POLRMT: variants seen among roughly 807,000 people sequenced by gnomAD.
The protein encoded by POLRMT is DNA-directed RNA polymerase, mitochondrial.
Under a neutral mutation model 132.2 loss-of-function variants are expected in POLRMT, and 114 were observed. The ratio of observed to expected loss-of-function variants is 0.86; its 90% CI spans 0.74 to 1.01. POLRMT has a LOEUF of 1.01. POLRMT is among the 50% of genes least tolerant of loss of function. The pLI, the probability that POLRMT is intolerant of heterozygous loss-of-function variation, is 0.00. For synonymous variants in POLRMT, 1,020 were observed against 773.4 expected (o/e 1.32, Z -5.29); for missense variants, 2,003 against 1,729.1 (o/e 1.16, Z -2.81).
rs1332543669 is a variant in POLRMT at position 623,456 on chromosome 19, CG to C, written c.1287del (p.His429GlnfsTer6). 2.1e-5 allele frequency: 34 copies of C among 1,611,370 alleles called. No homozygotes were observed. The highest frequency in any genetic ancestry group is 2.8e-5 in the Non-Finnish European group (33 of 1,179,882). ...KPTLPSKEVK[H>X]ARKTLKTLRD... is the part of the protein sequence containing the mutation. ...CGGGACCCCGGCTCAGCCCCTACCG[CG>C]TGCTTGACCTCCTTGCTTGGCAACG... On this transcript the variant is annotated frameshift_variant, in exon 6 of 21. Coordinates refer to ENST00000588649, the MANE Select transcript of POLRMT (RefSeq NM_005035.4). LOFTEE classifies it high-confidence loss of function.
chr19:619,533 GT>G, intron 13 of POLRMT, 52 bp downstream of exon 13: 1 of 1,602,772 alleles, frequency 6.2e-7, no homozygotes, highest in Non-Finnish European at 8.5e-7. Flanking sequence ...ACCCGTCTGA[GT>G]TTTAAATGGC....
chr19:624,466 C>T (rs1984871074), intron 5 of POLRMT, among the ~76,000 whole-genome samples: 2 of 152,178 alleles, frequency 1.3e-5, no homozygotes, highest in Non-Finnish European at 2.9e-5. Flanking sequence ...CACTCAAACG[C>T]ACTGCTCTCC....
chr19:619,531 G>T lies in POLRMT; in HGVS notation c.3066+55C>A. 2.5e-6 allele frequency: 4 copies of T among 1,599,964 alleles called. No homozygotes were observed. In the South Asian group the frequency reaches 4.4e-5, roughly 18 times the overall value. On this transcript the variant is annotated intron_variant, in intron 13 of 20. Coordinates refer to ENST00000588649, the MANE Select transcript of POLRMT (RefSeq NM_005035.4). Reference sequence around the variant, plus strand: ...GGCTGGGTCGGGGGCACACCCGTCTGAGTTTTAAATGGCAGTGAAACCAAC... The same window carrying T: ...GGCTGGGTCGGGGGCACACCCGTCTTAGTTTTAAATGGCAGTGAAACCAAC...
chr19:620,798 G>A (rs1449508964), intron 10 of POLRMT, among the ~76,000 whole-genome samples: 3 of 123,286 alleles, frequency 2.4e-5, no homozygotes, highest in Admixed American at 1.6e-4. Flanking sequence ...GGGGGAACGT[G>A]GGGAACGCGG....
rs1461884804 is a variant in POLRMT at position 617,419 on chromosome 19, C to G, written c.3643G>C (p.Gly1215Arg). 6.2e-7 allele frequency: 1 copy of G among 1,612,128 alleles called. No homozygotes were observed. The highest frequency in any genetic ancestry group is 2.2e-5 in the East Asian group (1 of 44,874). The change falls in exon 20 of 21, where the codon GGG becomes CGG. Residue 1215 changes from glycine (G) to arginine (R), a missense_variant and splice_region_variant. By Grantham distance (125) the Gly-to-Arg change is moderately radical. Transcript: ENST00000588649. ...KETLQAVPKP[G>R]AFDLEQVKRS... ...CTTGCGAGGCTGCCCACCCGCCTAC[C>G]TGGCTTGGGCACCGCCTGCAGTGTC... is the stretch of plus-strand genomic sequence containing the variant.
chr19:625,299 C>T, intron 3 of POLRMT, 45 bp from the exon 4 acceptor site: 2 of 1,608,628 alleles, frequency 1.2e-6, no homozygotes, highest in Non-Finnish European at 1.7e-6. Flanking sequence ...ATGGCCCAAC[C>T]TCCACATCCT....
chr19:625,354 G>A (rs1984951525), intron 3 of POLRMT, 100 bp from the exon 4 acceptor site: 2 of 1,514,902 alleles, frequency 1.3e-6, no homozygotes, highest in South Asian at 1.3e-5. Flanking sequence ...CAGCTCAGCA[G>A]GGGACAGGGT....
chr19:630,508 C>T (rs1000012164), intron 2 of POLRMT, among the ~76,000 whole-genome samples: 2 of 152,148 alleles, frequency 1.3e-5, no homozygotes, highest in Non-Finnish European at 2.9e-5. Flanking sequence ...CAACTCCCTC[C>T]GTCCACCTCT....
chr19:619,796 C>T (rs1984359932), intron 12 of POLRMT, 31 bp from the exon 13 acceptor site: 1 of 1,552,104 alleles, frequency 6.4e-7, no homozygotes, highest in South Asian at 1.2e-5. Flanking sequence ...GGGCGCGGGT[C>T]AGCCCCGCTA....
At chr19:633,241 C>T in intron 1 of POLRMT, 184 bp downstream of exon 1, 1 of 746,990 alleles carries the variant, frequency 1.3e-6, no homozygotes. Context: ...AGTCAAAGGT[C>T]AGACTGCACG....
chr19:625,099 T>C, intron 4 of POLRMT, 25 bp downstream of exon 4: 1 of 1,601,248 alleles, frequency 6.2e-7, no homozygotes, highest in Non-Finnish European at 8.5e-7. Context: ...TGGTGGGGGG[T>C]GGGGGCCCTC....
intron 13 of POLRMT, 65 bp from the exon 14 acceptor site, chr19:619,361 T>C: frequency 6.5e-7 from 1 of 1,538,842 alleles, no homozygotes; most frequent in Admixed American, 1.7e-5. Flanking sequence ...TACTCCCCCC[T>C]ATTTCAGAGC....
Position 629,779 on chromosome 19 carries a change from G to A in POLRMT, c.583C>T (p.Leu195=), listed in dbSNP as rs762766537. Residue 195 remains leucine, a synonymous_variant, in exon 3 of 21, where the codon CTG becomes TTG. Transcript: ENST00000588649. ...CTCAGCTTCCCAGGGGCCTCCTGCA[G>A]CAGCCGGGCCAGCTGCTCCTCCCAG... ...SPWEEQLARL[L]QEAPGKLSLD... is the part of the protein sequence containing the mutation. 1.9e-6 allele frequency: 3 copies of A among 1,568,876 alleles called. No homozygotes were observed. Among genetic ancestry groups the A allele is most frequent in the East Asian group, 2.3e-5 (1 of 44,112 alleles).
intron 3 of POLRMT, among the ~76,000 whole-genome samples, chr19:626,908 T>A (rs1196342853): frequency 8.2e-6 from 1 of 122,618 alleles, no homozygotes. Context: ...CATATATATA[T>A]ATATATAAAA....
chr19:624,037 C>A (rs1285707564), intron 5 of POLRMT, among the ~76,000 whole-genome samples: 1 of 152,252 alleles, frequency 6.6e-6, no homozygotes, highest in Non-Finnish European at 1.5e-5. Flanking sequence ...TGTACACAAA[C>A]GTTCACAGCT....
intron 3 of POLRMT, chr19:625,464 G>A (rs1443524587): frequency 1.8e-6 from 1 of 571,346 alleles, no homozygotes; most frequent in Admixed American, 3.4e-5. Flanking sequence ...CCGCCAGGTG[G>A]GACTGTGGGA....
intron 3 of POLRMT, among the ~76,000 whole-genome samples, chr19:628,029 G>A (rs999973960): frequency 6.6e-6 from 1 of 152,068 alleles, no homozygotes; most frequent in African/African-American, 2.4e-5. Context: ...TCCGGGGGTG[G>A]TGGCACACGC....
Position 623,461 on chromosome 19 carries a change from T to C in POLRMT, c.1283A>G (p.Lys428Arg), listed in dbSNP as rs746962531. The change falls in exon 6 of 21, where the codon AAG (lysine) becomes AGG (arginine). Residue 428 changes from lysine (K) to arginine (R), a missense_variant. Transcript: ENST00000588649. ...CCCCGGCTCAGCCCCTACCGCGTGC[T>C]TGACCTCCTTGCTTGGCAACGTGGG... ...EKPTLPSKEV[K>R]HARKTLKTLR... 6.2e-6 allele frequency: 10 copies of C among 1,611,556 alleles called. No homozygotes were observed. The highest frequency in any genetic ancestry group is 4.2e-6 in the Non-Finnish European group (5 of 1,179,908).
chr19:618,892 G>A (rs938428880), intron 15 of POLRMT, 105 bp downstream of exon 15: 3 of 1,355,002 alleles, frequency 2.2e-6, no homozygotes, highest in South Asian at 1.3e-5. Flanking sequence ...TGGCACACTG[G>A]GGCGGTGGTA....
Sources: allele counts gnomAD v4.1 joint callset (sites outside exome capture counted in the v4.1 genomes callset), GRCh38; gene constraint gnomAD v4.1.1; transcripts MANE v1.5; gene names NCBI Gene and HGNC (gene_info 2026-07-23, HGNC 2026-07-21).